FZD5: variants seen among roughly 807,000 people sequenced by gnomAD.
FZD5 encodes the protein frizzled-5.
FZD5 carries 12 observed loss-of-function variants against 40.8 expected under a neutral mutation model. The observed-to-expected ratio is 0.29, with a 90% CI of 0.19 to 0.48. FZD5 has a LOEUF of 0.48. FZD5 is among the 20% of genes least tolerant of loss of function. The pLI is 0.99. For missense variants in FZD5, 622 were observed against 832.8 expected (o/e 0.75, Z 3.12); for synonymous variants, 380 against 383.7 (o/e 0.99, Z 0.11).
At position 207,768,057 on chromosome 2, in the gene FZD5, C is replaced by T; in HGVS notation, c.683G>A (p.Ser228Asn). Residue 228 changes from serine (S) to asparagine (N), a missense_variant, in exon 2 of 2, where the codon AGT becomes AAT. Around this residue, in one of 4 missense-constraint regions of FZD5, gnomAD observed 116 missense variants for 117.7 expected, o/e 0.99. Transcript: ENST00000295417. ...GGTGGCGAACGTGCGCTCGTCGGCA[C>T]TGAAGGACGGCTGGTAGCAGGGTAC... Reference protein sequence around the residue: ...CAVPCYQPSFSADERTFATFW... With the variant: ...CAVPCYQPSFNADERTFATFW... The T allele has an allele frequency of 6.2e-7, 1 of 1,613,088 alleles. No individual in the cohort carries two copies. The highest frequency in any genetic ancestry group is 8.5e-7 in the Non-Finnish European group (1 of 1,179,590).
rs778253164 is a variant in FZD5, at chr2:207,768,778, G to A, written c.-39C>T. On this transcript the variant is annotated 5_prime_UTR_variant, in exon 2 of 2. Coordinates refer to ENST00000295417, the MANE Select transcript of FZD5 (RefSeq NM_003468.4). ...CCCTCGCCTCCAGCAGCCCGCGAGGGACGCACACAGGCAGAGGAATCCGGG... is the reference window on the plus strand; with the variant it reads ...CCCTCGCCTCCAGCAGCCCGCGAGGAACGCACACAGGCAGAGGAATCCGGG... 9 of 1,459,342 alleles carry A rather than the reference G, an allele frequency of 6.2e-6. No individual in the cohort carries two copies. In the South Asian group the frequency reaches 8.1e-5, roughly 13 times the overall value. The allele number at this position is 1,459,342 out of a possible 1,614,324, so 90.4% of individuals were successfully genotyped here.
In FZD5 at chr2:207,764,474, G is replaced by C. The variant is rs1257276913; in HGVS notation, c.*2508C>G. 6.6e-6 allele frequency: 1 copy of C among 152,172 alleles called. No individual in the cohort carries two copies. Among genetic ancestry groups the C allele is most frequent in the Non-Finnish European group, 1.5e-5 (1 of 68,050 alleles). The allele number at this position is 152,172 out of a possible 1,614,324, so 9.4% of individuals were successfully genotyped here. On this transcript the variant is annotated 3_prime_UTR_variant, in exon 2 of 2. Transcript: ENST00000295417. ...TATCTTTGTCTCTCTTAGGGGATGAGGGAAGAGAGGGACAGCAGAGGTGAG... is the reference window on the plus strand; with the variant it reads ...TATCTTTGTCTCTCTTAGGGGATGACGGAAGAGAGGGACAGCAGAGGTGAG...
At position 207,766,878 on chromosome 2, in the gene FZD5, G is replaced by T; in HGVS notation, c.*104C>A. The T allele has an allele frequency of 1.9e-5, 18 of 931,142 alleles. No homozygotes were observed. Among genetic ancestry groups the T allele is most frequent in the Non-Finnish European group, 2.4e-5 (16 of 665,758 alleles). The allele number at this position is 931,142 out of a possible 1,614,324, so 57.7% of individuals were successfully genotyped here. ...CTCTCTCCAAGTCGCCGCGGGAGGGGGCAACAGCACCATGAAGGTAAACGG... is the reference window on the plus strand; with the variant it reads ...CTCTCTCCAAGTCGCCGCGGGAGGGTGCAACAGCACCATGAAGGTAAACGG... On this transcript the variant is annotated 3_prime_UTR_variant, in exon 2 of 2. Transcript: ENST00000295417.
Position 207,767,939 on chromosome 2 carries a change from A to T in FZD5, c.801T>A (p.Pro267=). The T allele has an allele frequency of 6.3e-7, 1 of 1,599,912 alleles. No homozygotes were observed. Among genetic ancestry groups the T allele is most frequent in the Non-Finnish European group, 8.5e-7 (1 of 1,173,056 alleles). ...CTGACAGGAAGATGATGGGGCGCTCAGGATAGCGGAAGCGTTCCATGTCGA... is the reference window on the plus strand; with the variant it reads ...CTGACAGGAAGATGATGGGGCGCTCTGGATAGCGGAAGCGTTCCATGTCGA... ...FLIDMERFRY[P]ERPIIFLSAC... Residue 267 remains proline, a synonymous_variant, in exon 2 of 2, where the codon CCT becomes CCA. Coordinates refer to ENST00000295417, the MANE Select transcript of FZD5 (RefSeq NM_003468.4).
rs2091976761 is a variant in FZD5 at position 207,765,895 on chromosome 2, A to AGGGGGGAG, written c.*1086_*1087insCTCCCCCC. 7.0e-6 allele frequency: 1 copy of AGGGGGGAG among 143,802 alleles called. No homozygotes were observed. Among genetic ancestry groups the AGGGGGGAG allele is most frequent in the African/African-American group, 2.6e-5 (1 of 39,198 alleles). The allele number at this position is 143,802 out of a possible 1,614,324, so 8.9% of individuals were successfully genotyped here. On this transcript the variant is annotated 3_prime_UTR_variant, in exon 2 of 2. Transcript: ENST00000295417. Reference sequence around the variant, plus strand: ...GCAAAAAGGCTGTTTAACATGATAAAGGGGGAGGGGGGAGGGGGGAGGGGG... The same window carrying AGGGGGGAG: ...GCAAAAAGGCTGTTTAACATGATAAAGGGGGGAGGGGGGAGGGGGGAGGGGGGAGGGGG...
In FZD5 at chr2:207,767,189, C is replaced by G; in HGVS notation, c.1551G>C (p.Ser517=). 1 of 1,602,318 alleles carries G rather than the reference C, an allele frequency of 6.2e-7. No individual in the cohort carries two copies. Among genetic ancestry groups the G allele is most frequent in the South Asian group, 1.1e-5 (1 of 89,574 alleles). Residue 517 remains serine, a synonymous_variant, in exon 2 of 2, where the codon TCG becomes TCC. Transcript: ENST00000295417. The part of the protein sequence containing the change: ...YFMCLVVGIT[S]GVWIWSGKTV... The stretch of plus-strand genomic sequence containing the variant: ...TCTTGCCCGACCAGATCCAGACGCC[C>G]GACGTGATGCCCACCACCAGGCACA...
chr2:207,769,453 G>A lies in FZD5; in HGVS notation c.-444C>T, dbSNP rs1249829615. On this transcript the variant is annotated 5_prime_UTR_variant, in exon 1 of 2. Transcript: ENST00000295417. ...CGACTCAGAGTGGGGGGCGCCCCCA[G>A]AACAGGGGCGGCGCAGGCCGGTCAC... 3 of 152,730 alleles carry A rather than the reference G, an allele frequency of 2.0e-5. No homozygotes were observed. The highest frequency in any genetic ancestry group is 7.2e-5 in the African/African-American group (3 of 41,474). 9.5% of individuals were successfully genotyped at this position (152,730 alleles called of 1,614,324 possible). A position where few individuals can be genotyped will look rare whatever the true frequency, so the allele number is the denominator to read the frequency against.
Position 207,768,642 on chromosome 2 carries a change from C to T in FZD5, c.98G>A (p.Cys33Tyr). Residue 33 changes from cysteine (C) to tyrosine (Y), a missense_variant, in exon 2 of 2, where the codon TGC (cysteine) becomes TAC (tyrosine). By Grantham distance (194) the Cys-to-Tyr change is radical. Coordinates refer to ENST00000295417, the MANE Select transcript of FZD5 (RefSeq NM_003468.4). ...GCACATGGGCACCGTGATTTCCTGG[C>T]ACACCGGGGCCTTGGACGCGGCGGC... ...RAAAASKAPV[C>Y]QEITVPMCRG... 1 of 1,613,298 alleles carries T rather than the reference C, an allele frequency of 6.2e-7. No individual in the cohort carries two copies. Among genetic ancestry groups the T allele is most frequent in the Non-Finnish European group, 8.5e-7 (1 of 1,179,600 alleles).
Position 207,767,084 on chromosome 2 carries a change from G to A in FZD5, c.1656C>T (p.Ala552=), listed in dbSNP as rs1409352900. 9.4e-6 allele frequency: 15 copies of A among 1,593,004 alleles called. No individual in the cohort carries two copies. Among genetic ancestry groups the A allele is most frequent in the African/African-American group, 1.3e-5 (1 of 74,644 alleles). ...CGCTCGCCTCGGGGTAGTCCCCTGC[G>A]GCCATGGCGCCCCCGCTCTTGTGGC... ...RRGHKSGGAM[A]AGDYPEASAA... The change falls in exon 2 of 2, where the codon GCC becomes GCT. Residue 552 remains alanine, a synonymous_variant. Transcript: ENST00000295417.
chr2:207,767,782 G>A lies in FZD5; in HGVS notation c.958C>T (p.Leu320Phe), dbSNP rs2091987553. 4 of 1,613,520 alleles carry A rather than the reference G, an allele frequency of 2.5e-6. No individual in the cohort carries two copies. Among genetic ancestry groups the A allele is most frequent in the African/African-American group, 1.3e-5 (1 of 74,940 alleles). ...GCCATGCCGAAGAAGTAGACCAGGAGGAAGACGATGGTGCACAGTGCAGGG... is the reference window on the plus strand; with the variant it reads ...GCCATGCCGAAGAAGTAGACCAGGAAGAAGACGATGGTGCACAGTGCAGGG... ...TGPALCTIVF[L>F]LVYFFGMASS... The change falls in exon 2 of 2, where the codon CTC becomes TTC. Residue 320 changes from leucine (L) to phenylalanine (F), a missense_variant. Coordinates refer to ENST00000295417, the MANE Select transcript of FZD5 (RefSeq NM_003468.4).
chr2:207,767,078 C>A lies in FZD5; in HGVS notation c.1662G>T (p.Gly554=), dbSNP rs1251320176. ...GCGCGGCGCTCGCCTCGGGGTAGTCCCCTGCGGCCATGGCGCCCCCGCTCT... is the reference window on the plus strand; with the variant it reads ...GCGCGGCGCTCGCCTCGGGGTAGTCACCTGCGGCCATGGCGCCCCCGCTCT... ...GHKSGGAMAA[G]DYPEASAALT... Residue 554 remains glycine (G), a synonymous_variant, in exon 2 of 2, where the codon GGG becomes GGT. Coordinates refer to ENST00000295417, the MANE Select transcript of FZD5 (RefSeq NM_003468.4). 6.3e-7 allele frequency: 1 copy of A among 1,593,284 alleles called. No homozygotes were observed. Among genetic ancestry groups the A allele is most frequent in the Admixed American group, 1.7e-5 (1 of 58,694 alleles).
Position 207,767,066 on chromosome 2 carries a change from C to T in FZD5, c.1674G>A (p.Glu558=), listed in dbSNP as rs1575234155. 1.9e-6 allele frequency: 3 copies of T among 1,580,090 alleles called. No individual in the cohort carries two copies. Among genetic ancestry groups the T allele is most frequent in the Non-Finnish European group, 2.6e-6 (3 of 1,166,474 alleles). Reference sequence around the variant, plus strand: ...TCCTGCCTGTGAGCGCGGCGCTCGCCTCGGGGTAGTCCCCTGCGGCCATGG... The same window carrying T: ...TCCTGCCTGTGAGCGCGGCGCTCGCTTCGGGGTAGTCCCCTGCGGCCATGG... ...GGAMAAGDYP[E]ASAALTGRTG... The change falls in exon 2 of 2, where the codon GAG becomes GAA. Residue 558 remains glutamate, a synonymous_variant. Coordinates refer to ENST00000295417, the MANE Select transcript of FZD5 (RefSeq NM_003468.4).
Position 207,765,697 on chromosome 2 carries a change from C to T in FZD5, c.*1285G>A, listed in dbSNP as rs1180491675. 2 of 152,722 alleles carry T rather than the reference C, an allele frequency of 1.3e-5. No individual in the cohort carries two copies. Among genetic ancestry groups the T allele is most frequent in the African/African-American group, 4.8e-5 (2 of 41,556 alleles). 9.5% of individuals were successfully genotyped at this position (152,722 alleles called of 1,614,324 possible). On this transcript the variant is annotated 3_prime_UTR_variant, in exon 2 of 2. Coordinates refer to ENST00000295417, the MANE Select transcript of FZD5 (RefSeq NM_003468.4). ...GACGGCAGAGAGCAACGTCTTGCTG[C>T]TCTTGGAATATCTGGCTATAAACTA...
In FZD5 at chr2:207,768,652, C is replaced by T. The variant is rs555172249; in HGVS notation, c.88G>A (p.Ala30Thr). ...LVGRAAAASK[A>T]PVCQEITVPM... The stretch of plus-strand genomic sequence containing the variant: ...ACCGTGATTTCCTGGCACACCGGGG[C>T]CTTGGACGCGGCGGCCGCCCGGCCC... The change falls in exon 2 of 2, where the codon GCC (alanine) becomes ACC (threonine). Residue 30 changes from alanine (A) to threonine (T), a missense_variant. By Grantham distance (58) the Ala-to-Thr change is moderately conservative. Coordinates refer to ENST00000295417, the MANE Select transcript of FZD5 (RefSeq NM_003468.4). 107 of 1,612,522 alleles carry T rather than the reference C, an allele frequency of 6.6e-5. No individual in the cohort carries two copies. The South Asian group carries it at 1.1e-3, about 17-fold the overall frequency.
Position 207,768,231 on chromosome 2 carries a change from G to A in FZD5, c.509C>T (p.Pro170Leu), listed in dbSNP as rs1456040670. The A allele has an allele frequency of 5.1e-6, 8 of 1,561,852 alleles. No individual in the cohort carries two copies. The highest frequency in any genetic ancestry group is 1.7e-4 in the Middle Eastern group (1 of 6,030). Reference protein sequence around the residue: ...PRPFPAKPTLPGPPGAPASGG... With the variant: ...PRPFPAKPTLLGPPGAPASGG... ...CGAGGCCGGCGCCCCTGGCGGGCCT[G>A]GAAGGGTGGGCTTGGCTGGGAAAGG... is the stretch of plus-strand genomic sequence containing the variant. The change falls in exon 2 of 2, where the codon CCA (proline) becomes CTA (leucine). Residue 170 changes from proline (P) to leucine (L), a missense_variant. This residue lies in a region of FZD5 where 116 missense variants were observed against 117.7 expected (regional missense o/e 0.99). Transcript: ENST00000295417.
At position 207,768,683 on chromosome 2, in the gene FZD5, C is replaced by G. The variant is rs1160050688; in HGVS notation, c.57G>C (p.Gln19His). 1 of 1,607,354 alleles carries G rather than the reference C, an allele frequency of 6.2e-7. No homozygotes were observed. Among genetic ancestry groups the G allele is most frequent in the Non-Finnish European group, 8.5e-7 (1 of 1,177,262 alleles). ...PPSLLLLLLA[Q>H]LVGRAAAASK... ...ACGCGGCGGCCGCCCGGCCCACCAG[C>G]TGCGCTAGGAGCAGCAGCAACAGCG... is the stretch of plus-strand genomic sequence containing the variant. Residue 19 changes from glutamine (Q) to histidine (H), a missense_variant, in exon 2 of 2, where the codon CAG becomes CAC. By Grantham distance (24) the Gln-to-His change is conservative (BLOSUM62 0). Around this residue, in one of 4 missense-constraint regions of FZD5, gnomAD observed 144 missense variants for 214.2 expected, o/e 0.67. Coordinates refer to ENST00000295417, the MANE Select transcript of FZD5 (RefSeq NM_003468.4).
Position 207,766,749 on chromosome 2 carries a change from G to A in FZD5, c.*233C>T, listed in dbSNP as rs1479482479. ...AAAATACATATAAATTAAAAAGAGGGTTCCCATAAAGAAGGCAGTAAGAAA... is the reference window on the plus strand; with the variant it reads ...AAAATACATATAAATTAAAAAGAGGATTCCCATAAAGAAGGCAGTAAGAAA... On this transcript the variant is annotated 3_prime_UTR_variant, in exon 2 of 2. Transcript: ENST00000295417. 1 of 390,152 alleles carries A rather than the reference G, an allele frequency of 2.6e-6. No individual in the cohort carries two copies. The highest frequency in any genetic ancestry group is 4.5e-6 in the Non-Finnish European group (1 of 221,564). The allele number at this position is 390,152 out of a possible 1,614,324, so 24.2% of individuals were successfully genotyped here.
Position 207,765,343 on chromosome 2 carries a change from G to A in FZD5, c.*1639C>T. 6.6e-6 allele frequency: 1 copy of A among 152,194 alleles called. No individual in the cohort carries two copies. Among genetic ancestry groups the A allele is most frequent in the East Asian group, 1.9e-4 (1 of 5,182 alleles). The allele number at this position is 152,194 out of a possible 1,614,324, so 9.4% of individuals were successfully genotyped here. ...AATCCTGGTCATTGGTATTTTGCTG[G>A]CTGAGGCACTGTCACCCCCCTTCCC... On this transcript the variant is annotated 3_prime_UTR_variant, in exon 2 of 2. Coordinates refer to ENST00000295417, the MANE Select transcript of FZD5 (RefSeq NM_003468.4).
In FZD5 at chr2:207,768,764, A is replaced by T; in HGVS notation, c.-25T>A. On this transcript the variant is annotated 5_prime_UTR_variant, in exon 2 of 2. Coordinates refer to ENST00000295417, the MANE Select transcript of FZD5 (RefSeq NM_003468.4). ...TCGCCCCCTCCCTCCCCTCGCCTCC[A>T]GCAGCCCGCGAGGGACGCACACAGG... is the stretch of plus-strand genomic sequence containing the variant. 6.6e-7 allele frequency: 1 copy of T among 1,508,612 alleles called. No individual in the cohort carries two copies. The highest frequency in any genetic ancestry group is 8.9e-7 in the Non-Finnish European group (1 of 1,124,600). The allele number at this position is 1,508,612 out of a possible 1,614,324, so 93.5% of individuals were successfully genotyped here.
Sources: gnomAD v4.1 joint callset for allele counts on GRCh38, gnomAD v4.1.1 for gene constraint, gnomAD v4.1.1 regional missense constraint, MANE v1.5 for transcripts, NCBI Gene and HGNC (gene_info 2026-07-23, HGNC 2026-07-21) for gene names.